XIRP2: variants seen among roughly 807,000 people sequenced by gnomAD.
XIRP2 encodes the protein xin actin binding repeat containing 2.
A neutral mutation model predicts 277.0 loss-of-function variants in XIRP2; 236 were observed. That is an observed-to-expected ratio of 0.85 (90% CI 0.77 to 0.95). XIRP2 has a LOEUF of 0.95. Among genes scored for constraint, XIRP2 ranks in the 40% least tolerant of loss-of-function variants. The probability of loss-of-function intolerance (pLI) is 0.00; values close to 1 mark genes in which losing one functional copy is unlikely to be tolerated. For missense variants in XIRP2, 4,640 were observed against 4,157.5 expected, an observed-to-expected ratio of 1.12 and a Z score of -3.19; for synonymous variants, 1,490 against 1,416.5, an observed-to-expected ratio of 1.05 and a Z score of -1.17.
intron 2 of XIRP2, among the ~76,000 whole-genome samples, chr2:166,905,007 A>G (rs1251898751): frequency 6.6e-6 from 1 of 152,026 alleles, no homozygotes; most frequent in Admixed American, 6.6e-5. Context: ...GTTTAATGAT[A>G]ATAAGAGATA....
chr2:167,038,140 T>C (rs1272044392), intron 2 of XIRP2, among the ~76,000 whole-genome samples: 1 of 152,032 alleles, frequency 6.6e-6, no homozygotes, highest in Non-Finnish European at 1.5e-5. Context: ...CTTTGAATAT[T>C]TTTCTTTTGA....
At chr2:167,104,666 G>A (rs1436258627) in intron 2 of XIRP2, among the ~76,000 whole-genome samples, 1 of 151,966 alleles carries the variant, frequency 6.6e-6, no homozygotes, top group African/African-American at 2.4e-5. Flanking sequence ...TGTTTTCATA[G>A]CTTTATTTTA....
At chr2:166,902,920 A>G (rs914049943) in intron 1 of XIRP2, among the ~76,000 whole-genome samples, 9 of 152,106 alleles carry the variant, frequency 5.9e-5, no homozygotes, top group African/African-American at 2.2e-4. Context: ...TGAGGTATAC[A>G]TGTAAAGTCA....
At chr2:167,036,133 T>C (rs2105512490) in intron 2 of XIRP2, among the ~76,000 whole-genome samples, 1 of 152,224 alleles carries the variant, frequency 6.6e-6, no homozygotes, top group East Asian at 1.9e-4. Flanking sequence ...GCTAGGGCGG[T>C]GTGGAAGGGA....
At chr2:167,169,525 G>A (rs979347362) in intron 3 of XIRP2, among the ~76,000 whole-genome samples, 5 of 152,174 alleles carry the variant, frequency 3.3e-5, no homozygotes, top group Non-Finnish European at 7.3e-5. Flanking sequence ...CTTGACAGCA[G>A]TTTGCCCTGT....
chr2:167,211,703 A>G (rs544143548), intron 4 of XIRP2, among the ~76,000 whole-genome samples: 163 of 152,250 alleles, frequency 1.1e-3, no homozygotes, highest in Non-Finnish European at 1.1e-3. Flanking sequence ...GTTTCTCTGT[A>G]TGCACTAAAT....
At chr2:167,189,224 G>A (rs756588611) in intron 3 of XIRP2, among the ~76,000 whole-genome samples, 27 of 152,056 alleles carry the variant, frequency 1.8e-4, no homozygotes, top group Non-Finnish European at 3.2e-4. Flanking sequence ...ACTGGGAACC[G>A]ATATATTTCT....
chr2:166,890,182 A>T (rs1406161721), intron 1 of XIRP2, among the ~76,000 whole-genome samples: 1 of 151,592 alleles, frequency 6.6e-6, no homozygotes, highest in Non-Finnish European at 1.5e-5. Flanking sequence ...TTTAGTAGAG[A>T]TGGGGTTTCA....
Position 167,013,063 on chromosome 2 carries a change from C to G in XIRP2, c.408+109173C>G, listed in dbSNP as rs1367698755. ...CCTCCTTTTGCATTGAATCATGTGA[C>G]AACTAACTGACCAGTTAAATTGTGT... is the stretch of plus-strand genomic sequence containing the variant. On this transcript the variant is annotated intron_variant, in intron 2 of 10. Transcript: ENST00000409195. 2.6e-5 allele frequency among the ~76,000 whole-genome samples: 4 copies of G among 151,226 alleles called. 1 individual carries two copies. The South Asian group carries it at 6.2e-4, about 24-fold the overall frequency.
At chr2:167,151,612 G>A (rs1262969685) in intron 3 of XIRP2, among the ~76,000 whole-genome samples, 1 of 152,080 alleles carries the variant, frequency 6.6e-6, no homozygotes, top group African/African-American at 2.4e-5. Context: ...AACTTTTATT[G>A]TCTGGCCCAG....
intron 2 of XIRP2, among the ~76,000 whole-genome samples, chr2:167,127,808 A>G (rs747637596): frequency 1.3e-5 from 2 of 152,202 alleles, no homozygotes; most frequent in African/African-American, 2.4e-5. Context: ...GTTGTTCTGT[A>G]TCAATATTTT....
chr2:167,148,359 G>T (rs1490885261), intron 3 of XIRP2, among the ~76,000 whole-genome samples: 1 of 150,132 alleles, frequency 6.7e-6, no homozygotes, highest in Admixed American at 6.7e-5. Context: ...TCCAGTGTGG[G>T]TGACAAAAGT....
intron 4 of XIRP2, among the ~76,000 whole-genome samples, chr2:167,211,960 A>G (rs982773925): frequency 1.3e-5 from 2 of 152,166 alleles, no homozygotes; most frequent in Non-Finnish European, 2.9e-5. Context: ...TGTATGAGAG[A>G]GGGAGACAGA....
intron 2 of XIRP2, among the ~76,000 whole-genome samples, chr2:166,953,779 C>A (rs1364657381): frequency 6.6e-6 from 1 of 151,880 alleles, no homozygotes; most frequent in Non-Finnish European, 1.5e-5. Flanking sequence ...TGTAGACATT[C>A]TTAATGATAT....
chr2:166,961,920 C>T (rs1479421331), intron 2 of XIRP2, among the ~76,000 whole-genome samples: 1 of 151,362 alleles, frequency 6.6e-6, no homozygotes, highest in African/African-American at 2.4e-5. Context: ...TTTAAAAAAG[C>T]TAAGGATGAA....
intron 3 of XIRP2, among the ~76,000 whole-genome samples, chr2:167,148,390 A>T (rs73017942): frequency 6.8e-6 from 1 of 146,232 alleles, no homozygotes; most frequent in Admixed American, 6.9e-5. Flanking sequence ...AGAAAGAAGA[A>T]AAGAAAGAAA....
At chr2:167,082,605 C>G (rs1167305931) in intron 2 of XIRP2, among the ~76,000 whole-genome samples, 1 of 152,182 alleles carries the variant, frequency 6.6e-6, no homozygotes, top group Admixed American at 6.5e-5. Context: ...TCTCCAGCAC[C>G]TATTGTTTCC....
intron 2 of XIRP2, among the ~76,000 whole-genome samples, chr2:167,023,064 C>G (rs1688032129): frequency 1.3e-5 from 2 of 152,176 alleles, no homozygotes; most frequent in African/African-American, 4.8e-5. Flanking sequence ...AGTTTACAGT[C>G]CCACCAACAG....
At chr2:167,014,872 G>A (rs1426986038) in intron 2 of XIRP2, among the ~76,000 whole-genome samples, 2 of 151,762 alleles carry the variant, frequency 1.3e-5, no homozygotes, top group South Asian at 2.1e-4. Context: ...AATAAGTAAT[G>A]GGGCTGGGAT....
Sources: allele counts gnomAD v4.1 joint callset (sites outside exome capture counted in the v4.1 genomes callset), GRCh38; gene constraint gnomAD v4.1.1; transcripts MANE v1.5; gene names NCBI Gene and HGNC (gene_info 2026-07-23, HGNC 2026-07-21).